ANKS1B: variants seen among roughly 807,000 people sequenced by gnomAD.
ANKS1B encodes ankyrin repeat and sterile alpha motif domain-containing protein 1B.
A neutral mutation model predicts 148.3 loss-of-function variants in ANKS1B; 36 were observed. That is an observed-to-expected ratio of 0.24 (90% CI 0.19 to 0.32). The LOEUF (loss-of-function observed/expected upper bound fraction) is 0.32, where lower values mean the gene tolerates loss of function less well. Among genes scored for constraint, ANKS1B ranks in the 10% least tolerant of loss-of-function variants. The pLI is 1.00. For synonymous variants in ANKS1B, 542 were observed against 560.8 expected, an observed-to-expected ratio of 0.97 and a Z score of 0.47; for missense variants, 1,157 against 1,542.6, an observed-to-expected ratio of 0.75 and a Z score of 4.19.
intron 1 of ANKS1B, among the ~76,000 whole-genome samples, chr12:99,853,194 C>G (rs1392010488): frequency 6.6e-6 from 1 of 152,092 alleles, no homozygotes; most frequent in Non-Finnish European, 1.5e-5. Context: ...ACTCCCAGAC[C>G]CTAGGGCAAG....
chr12:99,596,088 A>G (rs1567437374), intron 9 of ANKS1B, among the ~76,000 whole-genome samples: 1 of 151,922 alleles, frequency 6.6e-6, no homozygotes, highest in African/African-American at 2.4e-5. Context: ...AACAATGTAT[A>G]TTTTTATTTT....
At chr12:99,414,934 T>C (rs1293813455) in intron 11 of ANKS1B, among the ~76,000 whole-genome samples, 1 of 152,250 alleles carries the variant, frequency 6.6e-6, no homozygotes, top group African/African-American at 2.4e-5. Flanking sequence ...GTTTGTTAGA[T>C]GGAAAATTTG....
chr12:99,772,906 C>G lies in ANKS1B; in HGVS notation c.1128+16G>C. ...AAGACAGACACATTATCTTCATTCC[C>G]CCCCGCCTTACTTACTACACTCTGG... On this transcript the variant is annotated intron_variant, in intron 8 of 26. Transcript: ENST00000683438. 6.2e-7 allele frequency: 1 copy of G among 1,603,782 alleles called. No individual in the cohort carries two copies. Among genetic ancestry groups the G allele is most frequent in the Non-Finnish European group, 8.5e-7 (1 of 1,174,908 alleles).
chr12:99,865,398 CA>C (rs1350803728), intron 1 of ANKS1B, among the ~76,000 whole-genome samples: 1 of 152,058 alleles, frequency 6.6e-6, no homozygotes, highest in African/African-American at 2.4e-5. Context: ...GAAATAACCT[CA>C]GGGGTCGGTG....
chr12:99,736,480 G>A (rs1156929293), intron 8 of ANKS1B, among the ~76,000 whole-genome samples: 2 of 151,744 alleles, frequency 1.3e-5, no homozygotes, highest in Non-Finnish European at 2.9e-5. Flanking sequence ...AAGAAACCAA[G>A]AAGGCAATCT....
intron 17 of ANKS1B, among the ~76,000 whole-genome samples, chr12:99,012,266 T>C (rs1253762060): frequency 6.6e-6 from 1 of 152,180 alleles, no homozygotes; most frequent in Non-Finnish European, 1.5e-5. Context: ...AAGCAATAAA[T>C]AGACATGAGG....
rs530585134 is a variant in ANKS1B, at chr12:99,047,162, G to A, written c.2778+5995C>T. 3.3e-5 allele frequency among the ~76,000 whole-genome samples: 5 copies of A among 152,280 alleles called. 1 individual carries two copies. The highest frequency in any genetic ancestry group is 9.6e-5 in the African/African-American group (4 of 41,552). ...CAACTGTAATCCCAGCACTTTGGGA[G>A]GCCAAGGCAGGTGGATCACTTGAGG... On this transcript the variant is annotated intron_variant, in intron 17 of 26. Coordinates refer to ENST00000683438, the MANE Select transcript of ANKS1B (RefSeq NM_001352186.2).
At chr12:99,813,590 T>C in intron 2 of ANKS1B, among the ~76,000 whole-genome samples, 1 of 151,452 alleles carries the variant, frequency 6.6e-6, no homozygotes, top group Non-Finnish European at 1.5e-5. Context: ...AGATATGATA[T>C]GATACAAAAT....
intron 17 of ANKS1B, among the ~76,000 whole-genome samples, chr12:98,896,959 G>A (rs1261416098): frequency 6.6e-6 from 1 of 152,188 alleles, no homozygotes; most frequent in East Asian, 1.9e-4. Context: ...ATCTCAAAGA[G>A]CTGTCATTTC....
chr12:99,280,945 ACT>A (rs759244532), intron 12 of ANKS1B, among the ~76,000 whole-genome samples: 13 of 146,548 alleles, frequency 8.9e-5, no homozygotes, highest in Non-Finnish European at 1.2e-4. Flanking sequence ...ACACACACAC[ACT>A]CTCTCTCTCT....
At chr12:99,205,763 C>T (rs139671303) in intron 14 of ANKS1B, among the ~76,000 whole-genome samples, 51 of 152,196 alleles carry the variant, frequency 3.4e-4, no homozygotes, top group African/African-American at 1.1e-3. Context: ...TGATGAGTTA[C>T]TGGCAGGAGC....
chr12:99,425,273 TTAAG>T (rs1280262720), intron 11 of ANKS1B, among the ~76,000 whole-genome samples: 5 of 151,986 alleles, frequency 3.3e-5, no homozygotes, highest in South Asian at 2.1e-4. Flanking sequence ...TACCATATAA[TTAAG>T]TTATTCATAT....
chr12:98,996,812 C>CA (rs1160748107), intron 17 of ANKS1B, among the ~76,000 whole-genome samples: 4,075 of 40,528 alleles, frequency 0.1, 858 homozygotes, highest in African/African-American at 0.25. Context: ...GACTCTATCT[C>CA]AAAAAAAAAA....
intron 14 of ANKS1B, among the ~76,000 whole-genome samples, chr12:99,222,267 A>T (rs1478438079): frequency 6.6e-6 from 1 of 152,190 alleles, no homozygotes; most frequent in East Asian, 1.9e-4. Flanking sequence ...AATAGGTATT[A>T]TAGGGAGATT....
At chr12:99,061,732 G>A (rs1330149914) in intron 16 of ANKS1B, among the ~76,000 whole-genome samples, 3 of 152,050 alleles carry the variant, frequency 2.0e-5, no homozygotes, top group Admixed American at 1.3e-4. Flanking sequence ...TAAAAATAAG[G>A]CAGTTTCATG....
At chr12:98,897,938 A>G (rs956532771) in intron 17 of ANKS1B, among the ~76,000 whole-genome samples, 3 of 152,214 alleles carry the variant, frequency 2.0e-5, no homozygotes, top group African/African-American at 7.2e-5. Flanking sequence ...TGAAGCCATT[A>G]TCCTAAGTGA....
At chr12:98,807,616 A>T (rs1361401984) in intron 20 of ANKS1B, among the ~76,000 whole-genome samples, 1 of 152,168 alleles carries the variant, frequency 6.6e-6, no homozygotes, top group East Asian at 1.9e-4. Context: ...ACATATTTTA[A>T]CCATACACTT....
chr12:98,901,461 C>T (rs1596544948), intron 17 of ANKS1B, among the ~76,000 whole-genome samples: 2 of 152,242 alleles, frequency 1.3e-5, no homozygotes, highest in South Asian at 2.1e-4. Flanking sequence ...TTTTGGGAAA[C>T]CCAAAGCCCA....
intron 9 of ANKS1B, among the ~76,000 whole-genome samples, chr12:99,550,948 T>C (rs1444514534): frequency 1.3e-5 from 2 of 152,168 alleles, no homozygotes; most frequent in Admixed American, 6.5e-5. Context: ...TTAATTTAAG[T>C]GTTATGCTCT....
Sources: gnomAD v4.1 joint callset for allele counts (sites outside exome capture counted in the v4.1 genomes callset) on GRCh38, gnomAD v4.1.1 for gene constraint, MANE v1.5 for transcripts, NCBI Gene and HGNC (gene_info 2026-07-23, HGNC 2026-07-21) for gene names.